MAP4K3: variants seen among roughly 807,000 people sequenced by gnomAD.
The protein encoded by MAP4K3 is MAPK/ERK kinase kinase kinase 3.
In MAP4K3, 94 loss-of-function variants were observed where a neutral mutation model predicts 143.5. The ratio of observed to expected loss-of-function variants is 0.65; its 90% CI spans 0.55 to 0.78. The LOEUF is 0.78. Among genes scored for constraint, MAP4K3 ranks in the 30% least tolerant of loss-of-function variants. MAP4K3 has a pLI of 0.00. For missense variants in MAP4K3, 1,077 were observed against 1,068.1 expected, an observed-to-expected ratio of 1.01 and a Z score of -0.12; for synonymous variants, 416 against 347.2, an observed-to-expected ratio of 1.20 and a Z score of -2.20.
At chr2:39,319,458 T>A (rs1427378219) in intron 12 of MAP4K3, among the ~76,000 whole-genome samples, 1 of 152,122 alleles carries the variant, frequency 6.6e-6, no homozygotes, top group Non-Finnish European at 1.5e-5. Context: ...TATATGTGGG[T>A]TTTGCAGGGC....
chr2:39,422,070 C>T (rs1435973093), intron 1 of MAP4K3, among the ~76,000 whole-genome samples: 1 of 151,420 alleles, frequency 6.6e-6, no homozygotes, highest in Non-Finnish European at 1.5e-5. Flanking sequence ...GGATTACATT[C>T]TGTTCATCCT....
intron 32 of MAP4K3, 62 bp downstream of exon 32, chr2:39,254,388 G>C: frequency 7.8e-7 from 1 of 1,288,992 alleles, no homozygotes; most frequent in Non-Finnish European, 1.1e-6. Context: ...TTTAGGAATC[G>C]AACTGTTTGA....
intron 1 of MAP4K3, among the ~76,000 whole-genome samples, chr2:39,435,451 C>T (rs950332586): frequency 6.6e-6 from 1 of 152,116 alleles, no homozygotes; most frequent in Non-Finnish European, 1.5e-5. Context: ...TATCATGCTC[C>T]CCTATCTGGC....
chr2:39,358,195 C>G (rs1017671136), intron 2 of MAP4K3, among the ~76,000 whole-genome samples: 10 of 152,178 alleles, frequency 6.6e-5, no homozygotes, highest in African/African-American at 2.4e-4. Context: ...CTATAAGCAT[C>G]ATAACTTCTA....
intron 26 of MAP4K3, among the ~76,000 whole-genome samples, chr2:39,267,955 T>C (rs1399328620): frequency 6.6e-6 from 1 of 152,168 alleles, no homozygotes; most frequent in Admixed American, 6.5e-5. Context: ...CCAAAAGATA[T>C]CATTGAGAAA....
intron 3 of MAP4K3, among the ~76,000 whole-genome samples, chr2:39,344,363 G>A (rs57164521): frequency 0.071 from 10,882 of 152,226 alleles, 1,313 homozygotes; most frequent in African/African-American, 0.25. Flanking sequence ...AAATGGCTGG[G>A]AATGGTTGTT....
intron 8 of MAP4K3, among the ~76,000 whole-genome samples, chr2:39,331,394 G>C (rs1314990980): frequency 6.6e-6 from 1 of 152,108 alleles, no homozygotes; most frequent in African/African-American, 2.4e-5. Flanking sequence ...TGGCTAGAAA[G>C]GAAGGTCCAT....
intron 19 of MAP4K3, among the ~76,000 whole-genome samples, 179 bp downstream of exon 19, chr2:39,290,113 C>T (rs931482430): frequency 7.1e-6 from 1 of 141,268 alleles, no homozygotes; most frequent in Non-Finnish European, 1.5e-5. Flanking sequence ...AAAAAGAACA[C>T]TAAATATAAG....
Position 39,379,997 on chromosome 2 carries a change from T to C in MAP4K3, c.97-1874A>G, listed in dbSNP as rs1433904123. 3.9e-5 allele frequency among the ~76,000 whole-genome samples: 6 copies of C among 152,234 alleles called. No homozygotes were observed. The East Asian group carries it at 1.2e-3, about 29-fold the overall frequency. On this transcript the variant is annotated intron_variant, in intron 1 of 33. Coordinates refer to ENST00000263881, the MANE Select transcript of MAP4K3 (RefSeq NM_003618.4). ...AATTATGACACTAACTACTGATGAG[T>C]GGTTTACCAAGGTCAATATTTCCTA...
chr2:39,318,066 T>C (rs1573141680), intron 12 of MAP4K3, among the ~76,000 whole-genome samples: 1 of 151,882 alleles, frequency 6.6e-6, no homozygotes, highest in East Asian at 1.9e-4. Context: ...TATGCAGCCA[T>C]AAAAAAGAAC....
chr2:39,396,847 T>C (rs1666822621), intron 1 of MAP4K3, among the ~76,000 whole-genome samples: 1 of 152,126 alleles, frequency 6.6e-6, no homozygotes, highest in South Asian at 2.1e-4. Context: ...AGCATCTCTC[T>C]TCACCTCTTA....
At chr2:39,411,967 C>G (rs1667243575) in intron 1 of MAP4K3, among the ~76,000 whole-genome samples, 1 of 152,144 alleles carries the variant, frequency 6.6e-6, no homozygotes, top group East Asian at 1.9e-4. Flanking sequence ...CTTTCCTGAC[C>G]ATATCATTTT....
At chr2:39,271,897 GC>G (rs1681040637) in intron 26 of MAP4K3, 1 of 168,754 alleles carries the variant, frequency 5.9e-6, no homozygotes, top group African/African-American at 2.4e-5. Context: ...ATGCCAGGTT[GC>G]AAAAACACTT....
intron 7 of MAP4K3, among the ~76,000 whole-genome samples, chr2:39,332,564 A>G (rs1240573551): frequency 6.6e-6 from 1 of 152,020 alleles, no homozygotes; most frequent in Non-Finnish European, 1.5e-5. Context: ...TGGAGATCTA[A>G]TATTTTCTAG....
chr2:39,314,944 G>C (rs576877968), intron 13 of MAP4K3, among the ~76,000 whole-genome samples: 1 of 152,282 alleles, frequency 6.6e-6, no homozygotes, highest in South Asian at 2.1e-4. Flanking sequence ...AATGACGTGG[G>C]AGCTTGTTAG....
intron 2 of MAP4K3, among the ~76,000 whole-genome samples, chr2:39,362,865 T>C (rs1035461774): frequency 2.0e-5 from 3 of 152,062 alleles, no homozygotes; most frequent in Admixed American, 1.3e-4. Context: ...ACCAACGGAA[T>C]AGAGAAAAGA....
chr2:39,321,474 C>T (rs528325619), intron 12 of MAP4K3, among the ~76,000 whole-genome samples: 16 of 152,306 alleles, frequency 1.1e-4, no homozygotes, highest in African/African-American at 1.7e-4. Context: ...CAGGGACCTC[C>T]GCCTAGGAAA....
intron 3 of MAP4K3, among the ~76,000 whole-genome samples, chr2:39,348,896 TCA>T (rs1439426517): frequency 3.9e-5 from 6 of 152,182 alleles, no homozygotes; most frequent in Non-Finnish European, 8.8e-5. Flanking sequence ...TTGTAACACA[TCA>T]CAGACTTAAA....
chr2:39,277,124 C>T (rs1480043366), intron 24 of MAP4K3, among the ~76,000 whole-genome samples: 3 of 152,358 alleles, frequency 2.0e-5, no homozygotes, highest in East Asian at 3.9e-4. Flanking sequence ...TCTCACCGTA[C>T]TGCAAACAGA....
Sources: gnomAD v4.1 joint callset for allele counts (sites outside exome capture counted in the v4.1 genomes callset) on GRCh38, gnomAD v4.1.1 for gene constraint, MANE v1.5 for transcripts, NCBI Gene and HGNC (gene_info 2026-07-23, HGNC 2026-07-21) for gene names.